Variants in ZNF287 observed in about 807,000 individuals in gnomAD.
ZNF287 encodes zinc finger protein 287.
ZNF287 carries 31 observed loss-of-function variants against 73.7 expected under a neutral mutation model. The observed-to-expected ratio is 0.42, with a 90% confidence interval of 0.32 to 0.57. ZNF287 has a LOEUF of 0.57. ZNF287 is among the 20% of genes least tolerant of loss of function. The pLI is 0.13. For synonymous variants in ZNF287, 301 were observed against 307.2 expected (o/e 0.98, Z 0.21); for missense variants, 641 against 909.3 (o/e 0.70, Z 3.79).
Position 16,549,496 on chromosome 17 carries a change from T to C in ZNF287, c.*2360A>G, listed in dbSNP as rs1299771143. ...TAAGATTTTCAAACAACTGTTATTTTAAAAAACAGCTATATAAGCACAGTT... is the reference window on the plus strand; with the variant it reads ...TAAGATTTTCAAACAACTGTTATTTCAAAAAACAGCTATATAAGCACAGTT... On this transcript the variant is annotated 3_prime_UTR_variant, in exon 6 of 6. Transcript: ENST00000395825. Among the ~76,000 whole-genome samples, 3 of 152,200 alleles carry C rather than the reference T, an allele frequency of 2.0e-5. No individual in the cohort carries two copies. The East Asian group carries it at 5.8e-4, about 29-fold the overall frequency.
rs1174349129 is a variant in ZNF287 at position 16,551,000 on chromosome 17, G to A, written c.*856C>T. ...CACATCTAATGTTATATACACATTA[G>A]TTTCTATCATAACATATCTTTCATT... On this transcript the variant is annotated 3_prime_UTR_variant, in exon 6 of 6. Coordinates refer to ENST00000395825, the MANE Select transcript of ZNF287 (RefSeq NM_020653.4). 6.8e-6 allele frequency among the ~76,000 whole-genome samples: 1 copy of A among 148,004 alleles called. No individual in the cohort carries two copies. The highest frequency in any genetic ancestry group is 1.9e-4 in the East Asian group (1 of 5,202).
chr17:16,553,138 A>G lies in ZNF287; in HGVS notation c.1004T>C (p.Leu335Ser), dbSNP rs967024514. ...SNLIVQFDTQ[L>S]DNKTSVYNEG... ...ATTATACACAGAAGTTTTATTATCT[A>G]ATTGGGTATCAAACTGTACAATTAG... Residue 335 changes from leucine (L) to serine (S), a missense_variant, in exon 6 of 6, where the codon TTA becomes TCA. Physicochemically the swap from Leu to Ser is moderately radical, Grantham distance 145. Around this residue, in one of 2 missense-constraint regions of ZNF287, gnomAD observed 357 missense variants for 442.4 expected, o/e 0.81. Transcript: ENST00000395825. 33 of 1,612,046 alleles carry G rather than the reference A, an allele frequency of 2.0e-5. No homozygotes were observed. Among genetic ancestry groups the G allele is most frequent in the Middle Eastern group, 1.6e-4 (1 of 6,080 alleles).
chr17:16,562,949 A>C (rs1196030361), intron 5 of ZNF287, among the ~76,000 whole-genome samples, 197 bp downstream of exon 5: 5 of 152,330 alleles, frequency 3.3e-5, no homozygotes, highest in African/African-American at 1.2e-4. Context: ...ACACGGGAAA[A>C]GTGTGTTAAC....
intron 5 of ZNF287, among the ~76,000 whole-genome samples, chr17:16,553,756 G>A (rs1906858921): frequency 6.6e-6 from 1 of 152,192 alleles, no homozygotes; most frequent in Admixed American, 6.5e-5. Flanking sequence ...TATGTAATGT[G>A]TTCATAAAGT....
In ZNF287 at chr17:16,550,458, G is replaced by T. The variant is rs531483860; in HGVS notation, c.*1398C>A. ...TCCACTAAAATTTCACCTTTTCCCC[G>T]ACCCACATTCTGCAGTGAATTCAGA... On this transcript the variant is annotated 3_prime_UTR_variant, in exon 6 of 6. Transcript: ENST00000395825. 6.6e-6 allele frequency among the ~76,000 whole-genome samples: 1 copy of T among 151,832 alleles called. No homozygotes were observed. The highest frequency in any genetic ancestry group is 2.1e-4 in the South Asian group (1 of 4,808).
At chr17:16,567,276 T>C in intron 2 of ZNF287, 53 bp downstream of exon 2, 4 of 1,558,238 alleles carry the variant, frequency 2.6e-6, no homozygotes, top group Non-Finnish European at 3.5e-6. Flanking sequence ...ATGTGCTAGT[T>C]GTCTTCTTTA....
rs200575972 is a variant in ZNF287 at position 16,563,834 on chromosome 17, T to A, written c.502-9A>T. 13 of 1,612,286 alleles carry A rather than the reference T, an allele frequency of 8.1e-6. No individual in the cohort carries two copies. In the African/African-American group the frequency reaches 1.2e-4, roughly 15 times the overall value. On this transcript the variant is annotated splice_polypyrimidine_tract_variant and intron_variant, in intron 3 of 5. Coordinates refer to ENST00000395825, the MANE Select transcript of ZNF287 (RefSeq NM_020653.4). ...TTGAATGTCATCGATTCCTAAAATA[T>A]CAAATGTAACTTAACTCAGTTCAAG...
intron 3 of ZNF287, among the ~76,000 whole-genome samples, chr17:16,565,752 C>CAACA (rs1373911170): frequency 6.6e-6 from 1 of 152,064 alleles, no homozygotes; most frequent in Non-Finnish European, 1.5e-5. Context: ...TTTGGGAGGC[C>CAACA]AACACGGGTG....
chr17:16,562,937 A>G (rs1907531511), intron 5 of ZNF287, among the ~76,000 whole-genome samples: 1 of 152,188 alleles, frequency 6.6e-6, no homozygotes, highest in African/African-American at 2.4e-5. Context: ...AAATGAGAAG[A>G]GACACGGGAA....
chr17:16,564,754 A>G (rs1383491275), intron 3 of ZNF287, among the ~76,000 whole-genome samples: 4 of 152,158 alleles, frequency 2.6e-5, no homozygotes, highest in Admixed American at 1.3e-4. Context: ...TGTTAAAAAT[A>G]TAGTATTATC....
chr17:16,552,032 A>C lies in ZNF287; in HGVS notation c.2110T>G (p.Tyr704Asp). ...TCCTTATCACATTCATTACATTTATAGGGTCTCTCTCCAGTATGAGTTCTC... is the reference window on the plus strand; with the variant it reads ...TCCTTATCACATTCATTACATTTATCGGGTCTCTCTCCAGTATGAGTTCTC... Reference protein sequence around the residue: ...HQRTHTGERPYKCNECDKDFS... With the variant: ...HQRTHTGERPDKCNECDKDFS... Residue 704 changes from tyrosine (Y) to aspartate (D), a missense_variant, in exon 6 of 6, where the codon TAT (tyrosine) becomes GAT (aspartate). Coordinates refer to ENST00000395825, the MANE Select transcript of ZNF287 (RefSeq NM_020653.4). This position sits in a 1 kb window ranked among gnomAD's most constrained non-coding sequence, Gnocchi z 6.5. The C allele has an allele frequency of 6.2e-7, 1 of 1,614,130 alleles. No homozygotes were observed. Among genetic ancestry groups the C allele is most frequent in the East Asian group, 2.2e-5 (1 of 44,874 alleles).
intron 3 of ZNF287, among the ~76,000 whole-genome samples, chr17:16,564,769 AT>A (rs1907648603): frequency 6.6e-6 from 1 of 151,950 alleles, no homozygotes; most frequent in African/African-American, 2.4e-5. Flanking sequence ...ATTATCTTAC[AT>A]GTTTCTTTTT....
At position 16,549,145 on chromosome 17, in the gene ZNF287, A is replaced by G. The variant is rs558523382; in HGVS notation, c.*2711T>C. Among the ~76,000 whole-genome samples, 4 of 152,210 alleles carry G rather than the reference A, an allele frequency of 2.6e-5. No homozygotes were observed. The highest frequency in any genetic ancestry group is 1.9e-4 in the East Asian group (1 of 5,202). ...TTTTATGATTTTTAAAACTTTCTATATATTTGAAAACTCATAATAAAAAGT... is the reference window on the plus strand; with the variant it reads ...TTTTATGATTTTTAAAACTTTCTATGTATTTGAAAACTCATAATAAAAAGT... On this transcript the variant is annotated 3_prime_UTR_variant, in exon 6 of 6. Transcript: ENST00000395825.
intron 5 of ZNF287, chr17:16,558,986 A>T (rs1188163868): frequency 6.6e-6 from 1 of 152,106 alleles, no homozygotes; most frequent in Non-Finnish European, 1.5e-5. Context: ...CAACAACAGC[A>T]ATAAAATAAA....
Position 16,553,359 on chromosome 17 carries a change from G to A in ZNF287, c.783C>T (p.Thr261=). The part of the protein sequence containing the change: ...EDMSKLTKEE[T]HTIKLEDSYD... Reference sequence around the variant, plus strand: ...ATGAGTCTTCTAATTTGATGGTATGGGTTTCTTCCTTTGTGAGTTTAGACA... The same window carrying A: ...ATGAGTCTTCTAATTTGATGGTATGAGTTTCTTCCTTTGTGAGTTTAGACA... Residue 261 remains threonine, a synonymous_variant, in exon 6 of 6, where the codon ACC becomes ACT. Transcript: ENST00000395825. 1 of 1,610,576 alleles carries A rather than the reference G, an allele frequency of 6.2e-7. No individual in the cohort carries two copies. Among genetic ancestry groups the A allele is most frequent in the East Asian group, 2.2e-5 (1 of 44,780 alleles).
In ZNF287 at chr17:16,551,910, A is replaced by T. The variant is rs750646373; in HGVS notation, c.2232T>A (p.Ser744Arg). The T allele has an allele frequency of 5.0e-6, 8 of 1,613,606 alleles. No individual in the cohort carries two copies. The highest frequency in any genetic ancestry group is 6.8e-6 in the Non-Finnish European group (8 of 1,179,794). ...CACGTTGATGCTGAATAAGGTTTGT[A>T]CTCTGGGTGAAGGTTTTACCACATA... ...CRICGKTFTQSTNLIQHQRVH... is the reference protein window; with the variant it reads ...CRICGKTFTQRTNLIQHQRVH... The change falls in exon 6 of 6, where the codon AGT (serine) becomes AGA (arginine). Residue 744 changes from serine (S) to arginine (R), a missense_variant. Physicochemically the swap from Ser to Arg is moderately radical, Grantham distance 110. Transcript: ENST00000395825.
intron 5 of ZNF287, among the ~76,000 whole-genome samples, chr17:16,560,562 C>A (rs903420949): frequency 7.3e-5 from 11 of 151,538 alleles, no homozygotes; most frequent in East Asian, 4.0e-4. Flanking sequence ...GTTGGCCAGG[C>A]TGGTCTTGAA....
At chr17:16,560,337 G>A (rs1024551714) in intron 5 of ZNF287, among the ~76,000 whole-genome samples, 17 of 144,376 alleles carry the variant, frequency 1.2e-4, no homozygotes, top group African/African-American at 4.4e-4. Flanking sequence ...TATATATGGG[G>A]TGGGGGAGGG....
At chr17:16,563,471 G>C (rs1907565429) in intron 4 of ZNF287, among the ~76,000 whole-genome samples, 1 of 152,200 alleles carries the variant, frequency 6.6e-6, no homozygotes, top group Admixed American at 6.5e-5. Flanking sequence ...AGCAAAGGCT[G>C]GGCAAGGCAG....
Sources: gnomAD v4.1 joint callset for allele counts (sites outside exome capture counted in the v4.1 genomes callset) on GRCh38, gnomAD v4.1.1 for gene constraint, gnomAD v4.1.1 regional missense constraint, Gnocchi (gnomAD v3.1) non-coding constraint, MANE v1.5 for transcripts, NCBI Gene and HGNC (gene_info 2026-07-23, HGNC 2026-07-21) for gene names.